SLC24A3: variants seen among roughly 807,000 people sequenced by gnomAD.
SLC24A3 encodes the protein solute carrier family 24 member 3.
Under a neutral mutation model 75.8 loss-of-function variants are expected in SLC24A3, and 28 were observed. The observed-to-expected ratio is 0.37, with a 90% CI of 0.27 to 0.51. The LOEUF (loss-of-function observed/expected upper bound fraction) is 0.51. Among genes scored for constraint, SLC24A3 ranks in the 20% least tolerant of loss-of-function variants. SLC24A3 has a pLI of 0.94. For synonymous variants in SLC24A3, 372 were observed against 334.1 expected (o/e 1.11, Z -1.24); for missense variants, 663 against 847.8 (o/e 0.78, Z 2.71).
chr20:19,454,443 T>C (rs1349201032), intron 2 of SLC24A3, among the ~76,000 whole-genome samples: 1 of 152,198 alleles, frequency 6.6e-6, no homozygotes, highest in East Asian at 1.9e-4. Context: ...TATGCTATCA[T>C]TTTAGGCCAG....
At chr20:19,431,811 A>G (rs1287025138) in intron 2 of SLC24A3, among the ~76,000 whole-genome samples, 1 of 152,158 alleles carries the variant, frequency 6.6e-6, no homozygotes, top group Non-Finnish European at 1.5e-5. Context: ...TCCATATCCA[A>G]CTGGGCAACA....
chr20:19,392,434 T>C lies in SLC24A3; in HGVS notation c.271+111347T>C, dbSNP rs117306351. ...TGTTTAAAGTTTTAGAGAAGACTTA[T>C]GGAGTGATGAGAAATGTTCCAGCAT... is the stretch of plus-strand genomic sequence containing the variant. On this transcript the variant is annotated intron_variant, in intron 2 of 16. Transcript: ENST00000328041. Among the ~76,000 whole-genome samples, 172 of 152,330 alleles carry C rather than the reference T, an allele frequency of 1.1e-3. 1 individual carries two copies. The highest frequency in any genetic ancestry group is 2.2e-3 in the Admixed American group (33 of 15,302).
At chr20:19,343,246 T>G (rs1361852448) in intron 2 of SLC24A3, among the ~76,000 whole-genome samples, 2 of 152,108 alleles carry the variant, frequency 1.3e-5, no homozygotes, top group Non-Finnish European at 2.9e-5. Flanking sequence ...CAAGGCAATG[T>G]ACCACTGAGA....
chr20:19,270,302 C>T (rs1983289169), intron 1 of SLC24A3, among the ~76,000 whole-genome samples: 3 of 152,102 alleles, frequency 2.0e-5, no homozygotes, highest in Admixed American at 2.0e-4. Flanking sequence ...TCGGTGCCCA[C>T]CCCAGACCTC....
chr20:19,629,657 A>G (rs1365374883), intron 6 of SLC24A3, among the ~76,000 whole-genome samples: 1 of 152,224 alleles, frequency 6.6e-6, no homozygotes, highest in African/African-American at 2.4e-5. Context: ...CAGCAAGAGA[A>G]AAGTGATTTG....
chr20:19,603,551 A>G (rs1485738299), intron 6 of SLC24A3, among the ~76,000 whole-genome samples: 1 of 152,096 alleles, frequency 6.6e-6, no homozygotes, highest in Non-Finnish European at 1.5e-5. Flanking sequence ...GAGTCTGAAC[A>G]CCTGTTCGCC....
Position 19,665,831 on chromosome 20 carries a change from G to GTGTGTGTC in SLC24A3, c.688-32_688-31insGTGTGTCT, listed in dbSNP as rs398035484. 5 of 1,404,784 alleles carry GTGTGTGTC rather than the reference G, an allele frequency of 3.6e-6. No individual in the cohort carries two copies. The African/African-American group carries it at 7.2e-5, about 20-fold the overall frequency. The allele number at this position is 1,404,784 out of a possible 1,614,324, so 87.0% of individuals were successfully genotyped here. ...TGTGTGTGTGTGTGTGTGTGTGTGT[G>GTGTGTGTC]TCTAATCTTCTATTCTTTTTATTTT... On this transcript the variant is annotated intron_variant, in intron 7 of 16. Coordinates refer to ENST00000328041, the MANE Select transcript of SLC24A3 (RefSeq NM_020689.4).
rs3057518 is a variant in SLC24A3 at position 19,397,647 on chromosome 20, C to CTTT, written c.271+116578_271+116580dup. Reference sequence around the variant, plus strand: ...AAAGGTTGTGCTTTTTTTTTCTTTTCTTTTTTTTTTTTTTTTTTTTGAGTG... The same window carrying CTTT: ...AAAGGTTGTGCTTTTTTTTTCTTTTCTTTTTTTTTTTTTTTTTTTTTTTGAGTG... On this transcript the variant is annotated intron_variant, in intron 2 of 16. Transcript: ENST00000328041. Among the ~76,000 whole-genome samples the CTTT allele has an allele frequency of 5.8e-3, 673 of 116,836 alleles. 2 individuals carry two copies. The highest frequency in any genetic ancestry group is 9.5e-3 in the Non-Finnish European group (520 of 54,630). 76.6% of individuals were successfully genotyped at this position (116,836 alleles called of 152,430 possible).
At chr20:19,507,882 C>T (rs1988483227) in intron 2 of SLC24A3, among the ~76,000 whole-genome samples, 1 of 152,150 alleles carries the variant, frequency 6.6e-6, no homozygotes. Context: ...TGCATTCAGT[C>T]ACACTTGATA....
chr20:19,705,048 A>G (rs1025906437), intron 15 of SLC24A3, among the ~76,000 whole-genome samples: 2 of 152,246 alleles, frequency 1.3e-5, no homozygotes, highest in Non-Finnish European at 2.9e-5. Context: ...CTCTGGGCTC[A>G]GAGGAGAAAT....
intron 2 of SLC24A3, among the ~76,000 whole-genome samples, chr20:19,452,404 G>A (rs1987501544): frequency 6.6e-6 from 1 of 150,864 alleles, no homozygotes; most frequent in African/African-American, 2.4e-5. Flanking sequence ...GTGTGTGTGT[G>A]TGTGTGTGTG....
intron 6 of SLC24A3, among the ~76,000 whole-genome samples, chr20:19,637,430 T>G (rs1201134288): frequency 6.6e-6 from 1 of 152,226 alleles, no homozygotes; most frequent in East Asian, 1.9e-4. Flanking sequence ...ATACGGAATA[T>G]TTTTTTAAAG....
At chr20:19,541,182 T>A (rs1023109962) in intron 3 of SLC24A3, among the ~76,000 whole-genome samples, 2 of 152,226 alleles carry the variant, frequency 1.3e-5, no homozygotes, top group African/African-American at 4.8e-5. Flanking sequence ...ATAAAACCCA[T>A]GTGGAAACCT....
intron 6 of SLC24A3, among the ~76,000 whole-genome samples, chr20:19,626,881 G>A (rs1360238315): frequency 6.6e-6 from 1 of 152,142 alleles, no homozygotes; most frequent in Non-Finnish European, 1.5e-5. Flanking sequence ...AATGAATATG[G>A]GCTGTCACGT....
intron 3 of SLC24A3, among the ~76,000 whole-genome samples, chr20:19,518,035 G>A (rs2030030275): frequency 6.6e-6 from 1 of 152,210 alleles, no homozygotes; most frequent in Non-Finnish European, 1.5e-5. Context: ...CCTGGAGTTG[G>A]ACAGTCACTT....
intron 2 of SLC24A3, among the ~76,000 whole-genome samples, chr20:19,359,891 A>G (rs1274915866): frequency 6.6e-6 from 1 of 152,256 alleles, no homozygotes; most frequent in South Asian, 2.1e-4. Context: ...GAGACAGTGT[A>G]GAACCCTCAG....
At chr20:19,549,071 C>T (rs1198280372) in intron 3 of SLC24A3, among the ~76,000 whole-genome samples, 1 of 152,202 alleles carries the variant, frequency 6.6e-6, no homozygotes, top group African/African-American at 2.4e-5. Flanking sequence ...AGGAATAAAA[C>T]ACAGAGGCAC....
intron 15 of SLC24A3, among the ~76,000 whole-genome samples, chr20:19,709,186 T>C (rs1600351731): frequency 6.6e-6 from 1 of 151,428 alleles, no homozygotes; most frequent in East Asian, 1.9e-4. Flanking sequence ...AGCTGGGGGG[T>C]TTATTCACCC....
At chr20:19,599,043 G>T (rs115280570) in intron 6 of SLC24A3, among the ~76,000 whole-genome samples, 21 of 152,206 alleles carry the variant, frequency 1.4e-4, no homozygotes, top group African/African-American at 4.6e-4. Flanking sequence ...TTACATGCAT[G>T]AACTCGTTTA....
Sources: allele counts gnomAD v4.1 joint callset (sites outside exome capture counted in the v4.1 genomes callset), GRCh38; gene constraint gnomAD v4.1.1; transcripts MANE v1.5; gene names NCBI Gene and HGNC (gene_info 2026-07-23, HGNC 2026-07-21).